TMTC3: variants seen among roughly 807,000 people sequenced by gnomAD.
TMTC3 encodes the protein protein O-mannosyl-transferase TMTC3.
A neutral mutation model predicts 92.2 loss-of-function variants in TMTC3; 52 were observed. The observed-to-expected ratio is 0.56, with a 90% CI of 0.45 to 0.71. The LOEUF is 0.71. Among genes scored for constraint, TMTC3 ranks in the 30% least tolerant of loss-of-function variants. The pLI, the probability that TMTC3 is intolerant of heterozygous loss-of-function variation, is 0.00. For synonymous variants in TMTC3, 339 were observed against 363.3 expected (o/e 0.93, Z 0.76); for missense variants, 896 against 1,057.1 (o/e 0.85, Z 2.11).
intron 1 of TMTC3, among the ~76,000 whole-genome samples, chr12:88,143,252 C>G (rs1415836462): frequency 6.6e-6 from 1 of 151,364 alleles, no homozygotes. Context: ...TCTTTTTAAA[C>G]CCCCAATTTG....
At chr12:88,159,073 A>C (rs951871304) in intron 4 of TMTC3, among the ~76,000 whole-genome samples, 1 of 151,746 alleles carries the variant, frequency 6.6e-6, no homozygotes, top group African/African-American at 2.4e-5. Flanking sequence ...AAAGGAAAAA[A>C]AAAAAAAAGA....
At chr12:88,160,959 T>A in intron 6 of TMTC3, 108 bp downstream of exon 6, 1 of 1,151,432 alleles carries the variant, frequency 8.7e-7, no homozygotes, top group Non-Finnish European at 1.2e-6. Flanking sequence ...ACAGTTTTAT[T>A]AAGCTATAAT....
intron 10 of TMTC3, among the ~76,000 whole-genome samples, chr12:88,181,454 T>G (rs1025925470): frequency 6.6e-6 from 1 of 152,080 alleles, no homozygotes; most frequent in Non-Finnish European, 1.5e-5. Context: ...TAGTTAAGTT[T>G]CTTCAGTTTT....
chr12:88,177,730 C>A (rs541866563), intron 10 of TMTC3, among the ~76,000 whole-genome samples: 1 of 152,268 alleles, frequency 6.6e-6, no homozygotes, highest in African/African-American at 2.4e-5. Flanking sequence ...CAAAAAGAAA[C>A]CCCTGCACAT....
chr12:88,190,115 C>T (rs143838586), intron 11 of TMTC3, among the ~76,000 whole-genome samples: 4 of 151,958 alleles, frequency 2.6e-5, no homozygotes, highest in Non-Finnish European at 5.9e-5. Context: ...AAAACACACA[C>T]AAAAATGTGA....
chr12:88,190,706 G>T (rs1373351360), intron 12 of TMTC3, 84 bp downstream of exon 12: 79 of 1,405,420 alleles, frequency 5.6e-5, no homozygotes, highest in Middle Eastern at 1.9e-4. Context: ...GGTTTTTTTT[G>T]AAAAAAAATT....
chr12:88,180,601 C>T (rs1164812923), intron 10 of TMTC3, among the ~76,000 whole-genome samples: 1 of 152,158 alleles, frequency 6.6e-6, no homozygotes, highest in Admixed American at 6.5e-5. Flanking sequence ...TCTTCAGCAT[C>T]CCGCAGGTAA....
At position 88,188,897 on chromosome 12, in the gene TMTC3, C is replaced by G; in HGVS notation, c.1487C>G (p.Thr496Ser). The change falls in exon 11 of 14, where the codon ACC (threonine) becomes AGC (serine). Residue 496 changes from threonine to serine, a missense_variant. Transcript: ENST00000266712. ...AGAACTTATAAAAATTTAAATAGAA[C>G]CAAAGAAGCTGAAGAATCTTACATG... ...VGRTYKNLNR[T>S]KEAEESYMMA... 1 of 1,597,794 alleles carries G rather than the reference C, an allele frequency of 6.3e-7. No individual in the cohort carries two copies. Among genetic ancestry groups the G allele is most frequent in the Non-Finnish European group, 8.5e-7 (1 of 1,174,186 alleles).
chr12:88,166,387 C>T lies in TMTC3; in HGVS notation c.855C>T (p.Tyr285=), dbSNP rs2041144006. 2 of 1,613,826 alleles carry T rather than the reference C, an allele frequency of 1.2e-6. No individual in the cohort carries two copies. Among genetic ancestry groups the T allele is most frequent in the East Asian group, 2.2e-5 (1 of 44,844 alleles). The part of the protein sequence containing the change: ...PTPTRQLTFN[Y]LLPVNAWLLL... ...CTACAAGGCAACTAACTTTTAACTA[C>T]CTCCTTCCTGTGAATGCTTGGTTGT... is the stretch of plus-strand genomic sequence containing the variant. The change falls in exon 7 of 14, where the codon TAC becomes TAT. Residue 285 remains tyrosine (Y), a synonymous_variant. Coordinates refer to ENST00000266712, the MANE Select transcript of TMTC3 (RefSeq NM_181783.4).
intron 12 of TMTC3, among the ~76,000 whole-genome samples, chr12:88,191,419 G>T (rs1237881818): frequency 6.6e-6 from 1 of 152,066 alleles, no homozygotes; most frequent in Non-Finnish European, 1.5e-5. Flanking sequence ...TGGTTTTAAT[G>T]AGAATATTAA....
chr12:88,149,835 T>C (rs2040920395), intron 2 of TMTC3, among the ~76,000 whole-genome samples: 1 of 152,156 alleles, frequency 6.6e-6, no homozygotes, highest in South Asian at 2.1e-4. Flanking sequence ...AAAAAATCTT[T>C]TGATAGTAAG....
At chr12:88,173,081 C>CTTAATAGA in intron 8 of TMTC3, 1 of 1,291,180 alleles carries the variant, frequency 7.7e-7, no homozygotes. Context: ...TAATAGTCAT[C>CTTAATAGA]CTACTTAAGT....
chr12:88,174,526 T>C (rs2041238770), intron 8 of TMTC3, 81 bp from the exon 9 acceptor site: 2 of 1,463,312 alleles, frequency 1.4e-6, no homozygotes, highest in East Asian at 4.6e-5. Flanking sequence ...TTTAAGATAC[T>C]TCTTACCTCT....
At chr12:88,174,892 C>T (rs1341092367) in intron 9 of TMTC3, among the ~76,000 whole-genome samples, 165 bp downstream of exon 9, 2 of 152,016 alleles carry the variant, frequency 1.3e-5, no homozygotes, top group East Asian at 3.8e-4. Context: ...AATGCCATAA[C>T]CAAATGCTCT....
chr12:88,193,482 T>C (rs2041466928), intron 13 of TMTC3, among the ~76,000 whole-genome samples: 1 of 152,138 alleles, frequency 6.6e-6, no homozygotes, highest in Admixed American at 6.5e-5. Context: ...TAATGTTTAG[T>C]TATTTCTTAG....
At chr12:88,167,764 C>T (rs575867457) in intron 7 of TMTC3, among the ~76,000 whole-genome samples, 1 of 152,256 alleles carries the variant, frequency 6.6e-6, no homozygotes, top group African/African-American at 2.4e-5. Flanking sequence ...GTTGAAACAT[C>T]CTGTTGGACA....
intron 4 of TMTC3, among the ~76,000 whole-genome samples, chr12:88,158,673 A>G (rs562039646): frequency 2.9e-5 from 1 of 34,908 alleles, no homozygotes; most frequent in African/African-American, 4.4e-5. Flanking sequence ...GACAGAAGAA[A>G]ATGTATTCAT....
chr12:88,148,158 T>C (rs1378405323), intron 1 of TMTC3, 130 bp from the exon 2 acceptor site: 3 of 595,434 alleles, frequency 5.0e-6, no homozygotes, highest in Non-Finnish European at 8.8e-6. Flanking sequence ...TTATGCTTCT[T>C]AGAAGTGGAT....
At chr12:88,150,509 T>A (rs989647904) in intron 2 of TMTC3, among the ~76,000 whole-genome samples, 3 of 152,150 alleles carry the variant, frequency 2.0e-5, no homozygotes, top group African/African-American at 7.2e-5. Context: ...AAATTTGATT[T>A]TGTTCAGAAA....
Sources: gnomAD v4.1 joint callset for allele counts (sites outside exome capture counted in the v4.1 genomes callset) on GRCh38, gnomAD v4.1.1 for gene constraint, MANE v1.5 for transcripts, NCBI Gene and HGNC (gene_info 2026-07-23, HGNC 2026-07-21) for gene names.